The following CACNA2D3 variants were observed in gnomAD, a reference collection of about 807,000 sequenced individuals.
The protein encoded by CACNA2D3 is voltage-dependent calcium channel subunit alpha-2/delta-3.
CACNA2D3 carries 60 observed loss-of-function variants against 160.6 expected under a neutral mutation model. That is an observed-to-expected ratio of 0.37 (90% CI 0.30 to 0.46). The LOEUF (loss-of-function observed/expected upper bound fraction) is 0.46. Among genes scored for constraint, CACNA2D3 ranks in the 20% least tolerant of loss-of-function variants. The probability of loss-of-function intolerance (pLI) is 1.00; values close to 1 mark genes in which losing one functional copy is unlikely to be tolerated. For missense variants in CACNA2D3, 1,205 were observed against 1,365.0 expected (o/e 0.88, Z 1.85); for synonymous variants, 558 against 492.9 (o/e 1.13, Z -1.75).
At chr3:54,925,623 G>A (rs1700991849) in intron 27 of CACNA2D3, among the ~76,000 whole-genome samples, 1 of 152,224 alleles carries the variant, frequency 6.6e-6, no homozygotes, top group African/African-American at 2.4e-5. Flanking sequence ...TTTCTGTAAA[G>A]TATGCTGCAG....
intron 20 of CACNA2D3, among the ~76,000 whole-genome samples, chr3:54,880,250 A>G (rs1158714707): frequency 3.3e-5 from 5 of 152,208 alleles, no homozygotes; most frequent in Non-Finnish European, 7.3e-5. Context: ...CTTGCTTTTG[A>G]TAAAAACGGA....
At chr3:54,320,408 C>A in intron 2 of CACNA2D3, 34 bp from the exon 3 acceptor site, 3 of 1,083,350 alleles carry the variant, frequency 2.8e-6, no homozygotes, top group South Asian at 1.5e-5. Context: ...TTTACGGTGT[C>A]ATGTGTCTTG....
chr3:54,682,161 GCACACACA>G (rs138753206), intron 11 of CACNA2D3, among the ~76,000 whole-genome samples: 29 of 144,782 alleles, frequency 2.0e-4, no homozygotes, highest in African/African-American at 6.1e-4. Flanking sequence ...AAACAGAACA[GCACACACA>G]CACACACACA....
chr3:54,288,704 C>T (rs1575371338), intron 2 of CACNA2D3, among the ~76,000 whole-genome samples: 2 of 152,264 alleles, frequency 1.3e-5, no homozygotes, highest in African/African-American at 2.4e-5. Context: ...TCCAGCAGCA[C>T]ATCAAAAAGC....
At position 54,896,820 on chromosome 3, in the gene CACNA2D3, C is replaced by T. The variant is rs1408654609; in HGVS notation, c.2318C>T (p.Ala773Val). The change falls in exon 26 of 38, where the codon GCC (alanine) becomes GTC (valine). Residue 773 changes from alanine to valine, a missense_variant. Physicochemically the swap from Ala to Val is moderately conservative, Grantham distance 64. Transcript: ENST00000474759. ...CATTTCCCTCTCTGGTACCGAAGAG[C>T]CGCTGAGCAGATTCCAGGGAGCTTC... ...ADHFPLWYRRAAEQIPGSFVY... is the reference protein window; with the variant it reads ...ADHFPLWYRRVAEQIPGSFVY... The T allele has an allele frequency of 7.4e-6, 12 of 1,614,006 alleles. No homozygotes were observed. In the East Asian group the frequency reaches 2.5e-4, roughly 33 times the overall value.
intron 14 of CACNA2D3, among the ~76,000 whole-genome samples, chr3:54,823,085 C>T (rs1414750677): frequency 1.3e-5 from 2 of 151,784 alleles, no homozygotes; most frequent in East Asian, 3.9e-4. Context: ...GAACTCCTAA[C>T]CTCAGGTGAT....
At chr3:54,730,531 C>G (rs1701365528) in intron 11 of CACNA2D3, among the ~76,000 whole-genome samples, 1 of 152,102 alleles carries the variant, frequency 6.6e-6, no homozygotes, top group African/African-American at 2.4e-5. Context: ...TTGATGGAGT[C>G]TCGCTCTGTC....
chr3:54,297,346 T>C (rs1035930582), intron 2 of CACNA2D3, among the ~76,000 whole-genome samples: 20 of 152,196 alleles, frequency 1.3e-4, no homozygotes, highest in Non-Finnish European at 2.2e-4. Context: ...CTGCAGCTGC[T>C]GTGGCTATTA....
chr3:54,129,093 A>AT (rs1405347151), intron 2 of CACNA2D3, among the ~76,000 whole-genome samples: 2 of 125,332 alleles, frequency 1.6e-5, no homozygotes, highest in African/African-American at 5.6e-5. Context: ...AGGATGCTTG[A>AT]TTTTTTGTGA....
At chr3:54,863,907 C>G (rs969040499) in intron 17 of CACNA2D3, among the ~76,000 whole-genome samples, 1 of 152,208 alleles carries the variant, frequency 6.6e-6, no homozygotes, top group Non-Finnish European at 1.5e-5. Flanking sequence ...CTCCTTCCCA[C>G]CTTCCTGCTG....
intron 5 of CACNA2D3, among the ~76,000 whole-genome samples, chr3:54,511,935 G>A (rs1701466032): frequency 6.6e-6 from 1 of 152,218 alleles, no homozygotes; most frequent in Non-Finnish European, 1.5e-5. Flanking sequence ...TCAGCACCGT[G>A]AAAATTGCAG....
chr3:54,816,543 G>A (rs1484127224), intron 13 of CACNA2D3, among the ~76,000 whole-genome samples: 1 of 152,116 alleles, frequency 6.6e-6, no homozygotes, highest in African/African-American at 2.4e-5. Context: ...TGTGCCCTTC[G>A]GATCACTGGG....
At chr3:54,404,001 C>T (rs1215134693) in intron 4 of CACNA2D3, among the ~76,000 whole-genome samples, 3 of 152,046 alleles carry the variant, frequency 2.0e-5, no homozygotes, top group African/African-American at 4.8e-5. Context: ...AATTAAAAGC[C>T]TCCTAAAAAA....
Position 54,898,209 on chromosome 3 carries a change from C to T in CACNA2D3, c.2368+1339C>T, listed in dbSNP as rs577501921. ...TTCTTTTCTTTTCCTCTCTCTCTCT[C>T]TTCTCCGCCCCACCCCGTCTTTTTT... is the stretch of plus-strand genomic sequence containing the variant. On this transcript the variant is annotated intron_variant, in intron 26 of 37. Transcript: ENST00000474759. 2.8e-3 allele frequency among the ~76,000 whole-genome samples: 393 copies of T among 142,612 alleles called. 2 individuals are homozygous for T. The highest frequency in any genetic ancestry group is 5.0e-3 in the Non-Finnish European group (327 of 65,622). 93.6% of individuals were successfully genotyped at this position (142,612 alleles called of 152,430 possible).
At chr3:54,281,136 C>T (rs1029136363) in intron 2 of CACNA2D3, among the ~76,000 whole-genome samples, 1 of 152,106 alleles carries the variant, frequency 6.6e-6, no homozygotes, top group African/African-American at 2.4e-5. Context: ...AGGAGGAGGA[C>T]AGCACCATGG....
intron 18 of CACNA2D3, among the ~76,000 whole-genome samples, chr3:54,872,138 C>G (rs1423047099): frequency 6.6e-6 from 1 of 152,166 alleles, no homozygotes. Flanking sequence ...TTTCCTGTAC[C>G]TTCCCAGCCT....
At chr3:54,578,523 G>A (rs943976629) in intron 8 of CACNA2D3, among the ~76,000 whole-genome samples, 2 of 152,240 alleles carry the variant, frequency 1.3e-5, no homozygotes, top group Non-Finnish European at 2.9e-5. Flanking sequence ...TGAGAGGAGC[G>A]TGCATAGCTA....
chr3:55,021,260 G>A (rs358035), intron 35 of CACNA2D3, among the ~76,000 whole-genome samples: 68,711 of 151,848 alleles, frequency 0.45, 17,770 homozygotes, highest in African/African-American at 0.72. Flanking sequence ...AAAACTGCCT[G>A]TTTCATCTCA....
chr3:54,687,400 T>G (rs545403514), intron 11 of CACNA2D3, among the ~76,000 whole-genome samples: 2 of 151,442 alleles, frequency 1.3e-5, no homozygotes, highest in African/African-American at 2.4e-5. Flanking sequence ...TCCGCCTGCC[T>G]TGGCCTCCCA....
Sources: gnomAD v4.1 joint callset for allele counts (sites outside exome capture counted in the v4.1 genomes callset) on GRCh38, gnomAD v4.1.1 for gene constraint, MANE v1.5 for transcripts, NCBI Gene and HGNC (gene_info 2026-07-23, HGNC 2026-07-21) for gene names.